Variants in MRTFB observed in about 807,000 individuals in gnomAD.
MRTFB encodes the protein myocardin related transcription factor B, also known as myocardin-related transcription factor B.
MRTFB carries 29 observed loss-of-function variants against 104.2 expected under a neutral mutation model. The observed-to-expected ratio is 0.28, with a 90% CI of 0.21 to 0.38. The LOEUF is 0.38. Among genes scored for constraint, MRTFB ranks in the 10% least tolerant of loss-of-function variants. The probability of loss-of-function intolerance (pLI) is 1.00; values close to 1 mark genes in which losing one functional copy is unlikely to be tolerated. For missense variants in MRTFB, 1,270 were observed against 1,341.6 expected, an observed-to-expected ratio of 0.95 and a Z score of 0.83; for synonymous variants, 535 against 519.5, an observed-to-expected ratio of 1.03 and a Z score of -0.41.
chr16:14,190,993 G>A (rs1212850890), intron 3 of MRTFB, among the ~76,000 whole-genome samples: 1 of 152,198 alleles, frequency 6.6e-6, no homozygotes, highest in African/African-American at 2.4e-5. Flanking sequence ...TGTGTCTATA[G>A]TAGCTTTGAG....
chr16:14,223,020 A>C (rs1355269720), intron 8 of MRTFB, among the ~76,000 whole-genome samples: 3 of 152,142 alleles, frequency 2.0e-5, no homozygotes, highest in African/African-American at 7.2e-5. Context: ...ATTTAAAAAA[A>C]ACAAGGCAGG....
chr16:14,193,328 A>G (rs1018057502), intron 3 of MRTFB, among the ~76,000 whole-genome samples: 2 of 152,188 alleles, frequency 1.3e-5, no homozygotes, highest in East Asian at 3.9e-4. Context: ...GATAAAATCA[A>G]AAATCTGTGG....
At chr16:14,071,195 G>C (rs1189511019), upstream of MRTFB, 1 of 153,156 alleles carries the variant, frequency 6.5e-6, no homozygotes, top group Non-Finnish European at 1.5e-5. Flanking sequence ...AGCAGCGAGA[G>C]AGGCCGGGCT....
chr16:14,193,820 C>G (rs900458877), intron 3 of MRTFB: 8 of 152,152 alleles, frequency 5.3e-5, no homozygotes, highest in Admixed American at 4.6e-4. Context: ...CATTTTAAGG[C>G]CTACATTCAG....
At chr16:14,127,916 TATATATATA>T (rs2037212696) in intron 2 of MRTFB, among the ~76,000 whole-genome samples, 1 of 41,716 alleles carries the variant, frequency 2.4e-5, no homozygotes, top group Admixed American at 2.1e-4. Flanking sequence ...TATATATATA[TATATATATA>T]TATATTTTTT....
chr16:14,182,535 G>A (rs918875385), intron 3 of MRTFB, among the ~76,000 whole-genome samples: 13 of 152,106 alleles, frequency 8.5e-5, no homozygotes, highest in Non-Finnish European at 1.6e-4. Context: ...TTCATATATA[G>A]AGATATAAAT....
At chr16:14,000,758 C>T in the MRTFB span, among the ~76,000 whole-genome samples, 3 of 152,340 alleles carry the variant, frequency 2.0e-5, no homozygotes, top group South Asian at 2.1e-4. Context: ...CTTTGTCCCC[C>T]TTCCCATCAC....
intron 3 of MRTFB, among the ~76,000 whole-genome samples, chr16:14,170,954 ATTAAC>A (rs2039401839): frequency 6.6e-6 from 1 of 152,082 alleles, no homozygotes; most frequent in South Asian, 2.1e-4. Context: ...TCCTCCTTTT[ATTAAC>A]TTATATGATT....
At chr16:14,065,553 G>T in the MRTFB span, among the ~76,000 whole-genome samples, 1 of 152,064 alleles carries the variant, frequency 6.6e-6, no homozygotes, top group Non-Finnish European at 1.5e-5. Context: ...CAAGGGGAAT[G>T]CTTCCTGCTT....
intron 1 of MRTFB, among the ~76,000 whole-genome samples, chr16:14,074,441 T>C (rs1418860571): frequency 6.6e-6 from 1 of 152,208 alleles, no homozygotes; most frequent in Non-Finnish European, 1.5e-5. Context: ...CATGCTTTTA[T>C]GAAGTTTTAC....
At chr16:14,184,316 G>A (rs1367122990) in intron 3 of MRTFB, among the ~76,000 whole-genome samples, 4 of 150,918 alleles carry the variant, frequency 2.7e-5, no homozygotes, top group Middle Eastern at 3.4e-3. Flanking sequence ...TCTGCCTCCC[G>A]GGTTCAAGCG....
chr16:14,130,931 T>G (rs1182819014), intron 2 of MRTFB, among the ~76,000 whole-genome samples: 1 of 152,110 alleles, frequency 6.6e-6, no homozygotes, highest in African/African-American at 2.4e-5. Flanking sequence ...AACGGCAGCA[T>G]GGGGGTAACT....
the MRTFB span, among the ~76,000 whole-genome samples, chr16:14,002,971 G>A: frequency 5.3e-5 from 8 of 152,282 alleles, no homozygotes; most frequent in Non-Finnish European, 1.0e-4. Flanking sequence ...TTTCTCTCTA[G>A]ATGTTGGTAG....
chr16:14,049,179 GCC>G, the MRTFB span, among the ~76,000 whole-genome samples: 1 of 152,160 alleles, frequency 6.6e-6, no homozygotes, highest in Non-Finnish European at 1.5e-5. Context: ...GAATTATCTG[GCC>G]CCAAGTGCCA....
chr16:14,107,091 C>G (rs920494400), intron 2 of MRTFB, among the ~76,000 whole-genome samples: 2 of 152,112 alleles, frequency 1.3e-5, no homozygotes, highest in Non-Finnish European at 2.9e-5. Context: ...AAGAGCTTAG[C>G]TGGGTATGGT....
intron 2 of MRTFB, among the ~76,000 whole-genome samples, chr16:14,120,696 T>G (rs1263232337): frequency 6.6e-6 from 1 of 152,238 alleles, no homozygotes; most frequent in African/African-American, 2.4e-5. Flanking sequence ...TGGCTTTATA[T>G]ATTGATACAT....
chr16:14,125,468 G>A (rs964078581), intron 2 of MRTFB, among the ~76,000 whole-genome samples: 2 of 152,230 alleles, frequency 1.3e-5, no homozygotes, highest in African/African-American at 2.4e-5. Context: ...CAGCTGGAGC[G>A]GGCAGCTTGG....
At chr16:14,194,323 CCTT>C (rs1466048851) in intron 3 of MRTFB, among the ~76,000 whole-genome samples, 2 of 152,176 alleles carry the variant, frequency 1.3e-5, no homozygotes, top group Non-Finnish European at 2.9e-5. Flanking sequence ...AGGCTTGTAG[CCTT>C]CTTGCTGTGC....
chr16:14,039,555 T>G, the MRTFB span, among the ~76,000 whole-genome samples: 1 of 151,982 alleles, frequency 6.6e-6, no homozygotes, highest in Non-Finnish European at 1.5e-5. Context: ...TCTCATTACC[T>G]TATCTATATA....
Sources: gnomAD v4.1 joint callset for allele counts (sites outside exome capture counted in the v4.1 genomes callset) on GRCh38, gnomAD v4.1.1 for gene constraint, MANE v1.5 for transcripts, NCBI Gene and HGNC (gene_info 2026-07-23, HGNC 2026-07-21) for gene names.